The following AFG2A variants were observed in gnomAD, a reference collection of about 807,000 sequenced individuals.
The protein encoded by AFG2A is ATPase family gene 2 protein homolog A.
chr4:122,966,780 C>T, the AFG2A span, among the ~76,000 whole-genome samples: 9 of 152,270 alleles, frequency 5.9e-5, no homozygotes, highest in South Asian at 2.1e-4. Flanking sequence ...ATAATAACTA[C>T]GCGTTATGAT....
At chr4:123,207,818 G>T in the AFG2A span, among the ~76,000 whole-genome samples, 55 of 152,164 alleles carry the variant, frequency 3.6e-4, no homozygotes, top group Non-Finnish European at 7.3e-4. Context: ...TGTGTTCATG[G>T]ATTGAAAGAC....
At chr4:123,127,550 T>G in the AFG2A span, among the ~76,000 whole-genome samples, 4 of 151,942 alleles carry the variant, frequency 2.6e-5, no homozygotes, top group Admixed American at 2.6e-4. Context: ...AGGTAAACAG[T>G]TTTTTTTAAT....
At chr4:123,304,762 G>A in the AFG2A span, among the ~76,000 whole-genome samples, 3 of 152,280 alleles carry the variant, frequency 2.0e-5, no homozygotes, top group East Asian at 5.8e-4. Context: ...GCAGAACAGC[G>A]GGGGCAGCAG....
the AFG2A span, among the ~76,000 whole-genome samples, chr4:123,096,912 A>C: frequency 6.6e-6 from 1 of 152,118 alleles, no homozygotes; most frequent in Non-Finnish European, 1.5e-5. Flanking sequence ...TTAATGAGCT[A>C]AATAAGACAT....
chr4:123,311,612 C>G, the AFG2A span, among the ~76,000 whole-genome samples: 1 of 126,438 alleles, frequency 7.9e-6, no homozygotes, highest in Non-Finnish European at 1.5e-5. Context: ...GGTGACAGAA[C>G]GAGACTCTGT....
the AFG2A span, among the ~76,000 whole-genome samples, chr4:123,040,009 T>G: frequency 1.3e-5 from 2 of 152,148 alleles, no homozygotes; most frequent in African/African-American, 4.8e-5. Flanking sequence ...TTTATGTTAA[T>G]GAATTTTTAA....
At chr4:123,109,988 G>A in the AFG2A span, among the ~76,000 whole-genome samples, 1 of 151,772 alleles carries the variant, frequency 6.6e-6, no homozygotes, top group Non-Finnish European at 1.5e-5. Context: ...CTTTTAATTT[G>A]TTTTCTCTGT....
chr4:123,025,508 T>G, the AFG2A span, among the ~76,000 whole-genome samples: 20 of 152,240 alleles, frequency 1.3e-4, no homozygotes, highest in Non-Finnish European at 2.5e-4. Context: ...CGCTCCATCT[T>G]ATAGTTTATG....
chr4:123,291,981 T>A, the AFG2A span, among the ~76,000 whole-genome samples: 1 of 152,208 alleles, frequency 6.6e-6, no homozygotes, highest in Non-Finnish European at 1.5e-5. Flanking sequence ...GATTTGCTTT[T>A]CTTTTCTCTC....
chr4:122,987,190 T>C, the AFG2A span, among the ~76,000 whole-genome samples: 1 of 152,128 alleles, frequency 6.6e-6, no homozygotes, highest in African/African-American at 2.4e-5. Context: ...GCATGATTGC[T>C]ATTTATGCAA....
chr4:123,111,729 C>CTTA, the AFG2A span, among the ~76,000 whole-genome samples: 810 of 150,876 alleles, frequency 5.4e-3, 3 homozygotes, highest in African/African-American at 0.018. Context: ...TCTTCTTCTT[C>CTTA]TTCTTATTAT....
At chr4:122,928,944 C>A in the AFG2A span, 1 of 1,430,906 alleles carries the variant, frequency 7.0e-7, no homozygotes, top group Non-Finnish European at 9.3e-7. Context: ...TTTTGCATAT[C>A]TTAAGTGCTT....
At chr4:123,216,737 T>C in the AFG2A span, among the ~76,000 whole-genome samples, 2 of 151,698 alleles carry the variant, frequency 1.3e-5, no homozygotes, top group African/African-American at 4.8e-5. Context: ...GCAGTCATAG[T>C]TCAGTGTAGC....
chr4:123,115,540 G>T, the AFG2A span, among the ~76,000 whole-genome samples: 1 of 152,068 alleles, frequency 6.6e-6, no homozygotes, highest in Non-Finnish European at 1.5e-5. Context: ...GCACCCCTGG[G>T]TCCAACTCTG....
chr4:123,218,491 ACTC>A, the AFG2A span, among the ~76,000 whole-genome samples: 1 of 151,788 alleles, frequency 6.6e-6, no homozygotes, highest in Non-Finnish European at 1.5e-5. Context: ...TTGACTATGA[ACTC>A]CTTCGTGGTG....
chr4:122,947,532 C>G, the AFG2A span: 1 of 1,421,094 alleles, frequency 7.0e-7, no homozygotes, highest in South Asian at 1.8e-5. Flanking sequence ...ATGCACTTAT[C>G]TCCAGTTTAC....
the AFG2A span, among the ~76,000 whole-genome samples, chr4:123,140,193 A>G: frequency 6.6e-6 from 1 of 152,126 alleles, no homozygotes; most frequent in African/African-American, 2.4e-5. Context: ...AATGACAGGT[A>G]GGAAATAAAG....
chr4:123,034,897 G>A, the AFG2A span, among the ~76,000 whole-genome samples: 1 of 152,210 alleles, frequency 6.6e-6, no homozygotes, highest in East Asian at 1.9e-4. Flanking sequence ...GTTCTGTACT[G>A]CAGTGAACAG....
At chr4:123,175,550 A>AGGCT in the AFG2A span, among the ~76,000 whole-genome samples, 2 of 152,234 alleles carry the variant, frequency 1.3e-5, no homozygotes, top group Non-Finnish European at 2.9e-5. Context: ...GTTGAAATGC[A>AGGCT]GGCTGACACA....
Sources: allele counts gnomAD v4.1 joint callset (sites outside exome capture counted in the v4.1 genomes callset), GRCh38; gene constraint gnomAD v4.1.1; transcripts MANE v1.5; gene names NCBI Gene and HGNC (gene_info 2026-07-23, HGNC 2026-07-21).